The following ZNF318 variants were observed in gnomAD, a reference collection of about 807,000 sequenced individuals.
ZNF318 encodes endocrine regulator.
ZNF318 carries 51 observed loss-of-function variants against 124.2 expected under a neutral mutation model. That is an observed-to-expected ratio of 0.41 (90% CI 0.33 to 0.52). The LOEUF (loss-of-function observed/expected upper bound fraction) is 0.52, where lower values mean the gene tolerates loss of function less well. Ranked by LOEUF, ZNF318 falls within the 20% of genes least tolerant of loss-of-function variation. ZNF318 has a pLI of 0.23. For synonymous variants in ZNF318, 1,090 were observed against 1,040.7 expected, an observed-to-expected ratio of 1.05 and a Z score of -0.91; for missense variants, 2,815 against 2,811.2, an observed-to-expected ratio of 1.00 and a Z score of -0.03.
In ZNF318 at chr6:43,350,024, C is replaced by T. The variant is rs562774380; in HGVS notation, c.2771-1399G>A. Among the ~76,000 whole-genome samples, 7 of 152,150 alleles carry T rather than the reference C, an allele frequency of 4.6e-5. No homozygotes were observed. In the East Asian group the frequency reaches 7.8e-4, roughly 17 times the overall value. On this transcript the variant is annotated intron_variant, in intron 5 of 9. Coordinates refer to ENST00000361428, the MANE Select transcript of ZNF318 (RefSeq NM_014345.3). ...CAGCACTTTGGGAGGTCGAGGCAGG[C>T]GGATCACCTGAGGTCAGGAGTTAGA... is the stretch of plus-strand genomic sequence containing the variant.
At chr6:43,343,558 G>A (rs1779400285) in intron 6 of ZNF318, among the ~76,000 whole-genome samples, 1 of 152,134 alleles carries the variant, frequency 6.6e-6, no homozygotes, top group African/African-American at 2.4e-5. Context: ...GCCAGGTGCA[G>A]TGGCTCACAC....
In ZNF318 at chr6:43,340,912, G is replaced by A. The variant is rs867256213; in HGVS notation, c.3377-4C>T. ...ATGGGAACCAGAAACTCAGAGCCTG[G>A]AAGAAGTAGAAAAAAGTCAAGGAAA... On this transcript the variant is annotated splice_region_variant and splice_polypyrimidine_tract_variant and intron_variant, in intron 8 of 9. Transcript: ENST00000361428. 1 of 1,606,258 alleles carries A rather than the reference G, an allele frequency of 6.2e-7. No homozygotes were observed. Among genetic ancestry groups the A allele is most frequent in the Non-Finnish European group, 8.5e-7 (1 of 1,172,924 alleles).
chr6:43,369,530 C>G lies in ZNF318; in HGVS notation c.-165G>C. On this transcript the variant is annotated 5_prime_UTR_variant, in exon 1 of 10. Coordinates refer to ENST00000361428, the MANE Select transcript of ZNF318 (RefSeq NM_014345.3). ...CTCGGCCCCGCGTCGCCCCGGGGGC[C>G]CGGCCGAGCGCGCCCCCGCGGCTGG... 2.8e-6 allele frequency: 1 copy of G among 356,620 alleles called. No homozygotes were observed. The highest frequency in any genetic ancestry group is 3.9e-6 in the Non-Finnish European group (1 of 254,982). 22.1% of individuals were successfully genotyped at this position (356,620 alleles called of 1,614,324 possible).
intron 2 of ZNF318, 30 bp downstream of exon 2, chr6:43,365,262 A>G (rs980175437): frequency 1.9e-6 from 3 of 1,606,764 alleles, no homozygotes; most frequent in East Asian, 2.2e-5. Flanking sequence ...AAGTACTAGT[A>G]TAGTAGGCCC....
rs200489854 is a variant in ZNF318 at position 43,337,280 on chromosome 6, C to G, written c.6718G>C (p.Val2240Leu). ...GDPLNLVKAP[V>L]SRSPPREQVI... Reference sequence around the variant, plus strand: ...TGCTCCCTTGGAGGGGACCTTGACACTGGAGCTTTAACCAAATTCAGAGGG... The same window carrying G: ...TGCTCCCTTGGAGGGGACCTTGACAGTGGAGCTTTAACCAAATTCAGAGGG... Residue 2240 changes from valine to leucine, a missense_variant, in exon 10 of 10, where the codon GTG (valine) becomes CTG (leucine). Around this residue, in one of 4 missense-constraint regions of ZNF318, gnomAD observed 927 missense variants for 820.6 expected, o/e 1.13. Coordinates refer to ENST00000361428, the MANE Select transcript of ZNF318 (RefSeq NM_014345.3). The G allele has an allele frequency of 1.9e-5, 31 of 1,614,176 alleles. No homozygotes were observed. The highest frequency in any genetic ancestry group is 2.5e-5 in the Non-Finnish European group (30 of 1,180,026).
chr6:43,361,965 A>G (rs1279034813), intron 2 of ZNF318, among the ~76,000 whole-genome samples: 1 of 151,948 alleles, frequency 6.6e-6, no homozygotes, highest in East Asian at 1.9e-4. Context: ...AAACCAGCCT[A>G]GGCAACACAG....
Position 43,337,194 on chromosome 6 carries a change from G to A in ZNF318, c.6804C>T (p.Ala2268=), listed in dbSNP as rs1426433861. ...CACTGGATTCTGTGTGGTCCTGGAT[G>A]GCACCAACTGTAGTTTCCTGTTCAG... is the stretch of plus-strand genomic sequence containing the variant. The part of the protein sequence containing the change: ...GMPEQETTVG[A]IQDHTESSVH... The change falls in exon 10 of 10, where the codon GCC becomes GCT. Residue 2268 remains alanine (A), a synonymous_variant. Coordinates refer to ENST00000361428, the MANE Select transcript of ZNF318 (RefSeq NM_014345.3). The A allele has an allele frequency of 1.2e-6, 2 of 1,612,126 alleles. No homozygotes were observed. Among genetic ancestry groups the A allele is most frequent in the South Asian group, 1.1e-5 (1 of 90,782 alleles).
rs552320276 is a variant in ZNF318, at chr6:43,352,613, G to A, written c.2671-137C>T. Reference sequence around the variant, plus strand: ...CCTGCACACAGGCTCTGACCTTACTGTCAAAGTAATATTTCGTTCTAAGTT... The same window carrying A: ...CCTGCACACAGGCTCTGACCTTACTATCAAAGTAATATTTCGTTCTAAGTT... On this transcript the variant is annotated intron_variant, in intron 4 of 9. Transcript: ENST00000361428. The A allele has an allele frequency of 4.4e-5, 31 of 710,196 alleles. No homozygotes were observed. In the African/African-American group the frequency reaches 5.0e-4, roughly 11 times the overall value. 44.0% of individuals were successfully genotyped at this position (710,196 alleles called of 1,614,324 possible).
At chr6:43,345,943 C>T (rs1379499978) in intron 6 of ZNF318, among the ~76,000 whole-genome samples, 1 of 152,020 alleles carries the variant, frequency 6.6e-6, no homozygotes, top group Non-Finnish European at 1.5e-5. Flanking sequence ...TGGCTCATGC[C>T]TGTAATCCCA....
At chr6:43,343,689 C>T (rs1040955637) in intron 6 of ZNF318, among the ~76,000 whole-genome samples, 3 of 151,678 alleles carry the variant, frequency 2.0e-5, no homozygotes, top group African/African-American at 7.3e-5. Flanking sequence ...ATTACCCGGG[C>T]ATGGTGGTGT....
chr6:43,351,260 T>C (rs576500407), intron 5 of ZNF318, among the ~76,000 whole-genome samples: 1 of 152,352 alleles, frequency 6.6e-6, no homozygotes, highest in South Asian at 2.1e-4. Context: ...CTGAATGTGA[T>C]AAATAATCTT....
rs772707453 is a variant in ZNF318 at position 43,338,350 on chromosome 6, G to T, written c.5648C>A (p.Thr1883Lys). 3.1e-6 allele frequency: 5 copies of T among 1,614,166 alleles called. No individual in the cohort carries two copies. Among genetic ancestry groups the T allele is most frequent in the Non-Finnish European group, 3.4e-6 (4 of 1,180,016 alleles). The change falls in exon 10 of 10, where the codon ACA (threonine) becomes AAA (lysine). Residue 1883 changes from threonine to lysine, a missense_variant. Thr to Lys is a moderately conservative substitution (Grantham distance 78, BLOSUM62 -1). Coordinates refer to ENST00000361428, the MANE Select transcript of ZNF318 (RefSeq NM_014345.3). ...EARSLLNPQD[T>K]PVKISAPELL... ...CTCTGGGGCAGAAATTTTCACAGGT[G>T]TATCTTGTGGGTTGAGTAAAGACCT...
Position 43,369,109 on chromosome 6 carries a change from C to A in ZNF318, c.257G>T (p.Arg86Leu). 6 of 1,252,990 alleles carry A rather than the reference C, an allele frequency of 4.8e-6. No individual in the cohort carries two copies. The highest frequency in any genetic ancestry group is 6.0e-6 in the Non-Finnish European group (6 of 999,174). 77.6% of individuals were successfully genotyped at this position (1,252,990 alleles called of 1,614,324 possible). Reference protein sequence around the residue: ...RRVSPSPPRARRGSPSPPRGR... With the variant: ...RRVSPSPPRALRGSPSPPRGR... Reference sequence around the variant, plus strand: ...CCGCGGTGGCGACGGGGAGCCGCGACGGGCCCGAGGCGGGGACGGGGAGAC... The same window carrying A: ...CCGCGGTGGCGACGGGGAGCCGCGAAGGGCCCGAGGCGGGGACGGGGAGAC... The change falls in exon 1 of 10, where the codon CGT becomes CTT. Residue 86 changes from arginine to leucine, a missense_variant. This residue lies in a region of ZNF318 where 1,377 missense variants were observed against 1,353.5 expected (regional missense o/e 1.02). Transcript: ENST00000361428.
At chr6:43,345,720 T>A (rs1051069860) in intron 6 of ZNF318, among the ~76,000 whole-genome samples, 1 of 152,198 alleles carries the variant, frequency 6.6e-6, no homozygotes, top group South Asian at 2.1e-4. Context: ...CAGAATATAT[T>A]CTCTTTCCTA....
rs1447916465 is a variant in ZNF318, at chr6:43,357,242, G to C, written c.1072C>G (p.Leu358Val). 1 of 1,614,116 alleles carries C rather than the reference G, an allele frequency of 6.2e-7. No homozygotes were observed. Residue 358 changes from leucine (L) to valine (V), a missense_variant, in exon 3 of 10, where the codon CTA (leucine) becomes GTA (valine). By Grantham distance (32) the Leu-to-Val change is conservative (BLOSUM62 1). This residue lies in a region of ZNF318 where 1,377 missense variants were observed against 1,353.5 expected (regional missense o/e 1.02). Coordinates refer to ENST00000361428, the MANE Select transcript of ZNF318 (RefSeq NM_014345.3). ...GCSIPGLSGVLTASEPGYSLH... is the reference protein window; with the variant it reads ...GCSIPGLSGVVTASEPGYSLH... ...GAATATCCTGGCTCCGATGCTGTTA[G>C]GACACCTGACAATCCAGGGATGGAA...
At chr6:43,345,933 T>C (rs1404193008) in intron 6 of ZNF318, among the ~76,000 whole-genome samples, 1 of 151,992 alleles carries the variant, frequency 6.6e-6, no homozygotes, top group Non-Finnish European at 1.5e-5. Context: ...ACGGGCGCAG[T>C]GGCTCATGCC....
Position 43,355,871 on chromosome 6 carries a change from T to G in ZNF318, c.1463A>C (p.Glu488Ala). The G allele has an allele frequency of 6.2e-7, 1 of 1,614,250 alleles. No individual in the cohort carries two copies. Among genetic ancestry groups the G allele is most frequent in the Non-Finnish European group, 8.5e-7 (1 of 1,180,048 alleles). Residue 488 changes from glutamate to alanine, a missense_variant, in exon 4 of 10, where the codon GAG (glutamate) becomes GCG (alanine). Coordinates refer to ENST00000361428, the MANE Select transcript of ZNF318 (RefSeq NM_014345.3). ...DNLDLKAEGPERHTDFLLPHE... is the reference protein window; with the variant it reads ...DNLDLKAEGPARHTDFLLPHE... ...GGGCAGCAGGAAGTCTGTGTGTCGCTCAGGTCCCTCAGCCTTCAAATCCAA... is the reference window on the plus strand; with the variant it reads ...GGGCAGCAGGAAGTCTGTGTGTCGCGCAGGTCCCTCAGCCTTCAAATCCAA...
chr6:43,357,674 T>G lies in ZNF318; in HGVS notation c.640A>C (p.Ser214Arg). 6.2e-7 allele frequency: 1 copy of G among 1,613,690 alleles called. No homozygotes were observed. Among genetic ancestry groups the G allele is most frequent in the Non-Finnish European group, 8.5e-7 (1 of 1,180,006 alleles). ...RYISQEEGPLSPFLGQLDEDY... is the reference protein window; with the variant it reads ...RYISQEEGPLRPFLGQLDEDY... ...TCATCAAGTTGTCCCAAGAAGGGAC[T>G]GAGAGGCCCTTCCTCCTGGGAAATA... Residue 214 changes from serine (S) to arginine (R), a missense_variant, in exon 3 of 10, where the codon AGT becomes CGT. By Grantham distance (110) the Ser-to-Arg change is moderately radical (BLOSUM62 -1). Transcript: ENST00000361428.
Position 43,348,465 on chromosome 6 carries a change from A to C in ZNF318, c.2931T>G (p.Ala977=), listed in dbSNP as rs1286746628. Residue 977 remains alanine, a synonymous_variant, in exon 6 of 10, where the codon GCT becomes GCG. Coordinates refer to ENST00000361428, the MANE Select transcript of ZNF318 (RefSeq NM_014345.3). ...CGAAGATGTTAATTCCCAAGATCTGAGCCACTTTGTCCAGTTCAGATTGCT... is the reference window on the plus strand; with the variant it reads ...CGAAGATGTTAATTCCCAAGATCTGCGCCACTTTGTCCAGTTCAGATTGCT... ...EKKQSELDKV[A]QILGINIFDK... The C allele has an allele frequency of 6.2e-7, 1 of 1,614,122 alleles. No homozygotes were observed. The highest frequency in any genetic ancestry group is 2.2e-5 in the East Asian group (1 of 44,882).
Sources: allele counts gnomAD v4.1 joint callset (sites outside exome capture counted in the v4.1 genomes callset), GRCh38; gene constraint gnomAD v4.1.1; regional missense constraint gnomAD v4.1.1; transcripts MANE v1.5; gene names NCBI Gene and HGNC (gene_info 2026-07-23, HGNC 2026-07-21).